B4GALNT3: variants seen among roughly 807,000 people sequenced by gnomAD.
B4GALNT3 encodes the protein beta-1,4-N-acetylgalactosaminyltransferase 3.
B4GALNT3 carries 86 observed loss-of-function variants against 120.2 expected under a neutral mutation model. The observed-to-expected ratio is 0.72, with a 90% CI of 0.60 to 0.86. B4GALNT3 has a LOEUF of 0.86. B4GALNT3 is among the 40% of genes least tolerant of loss of function. The probability of loss-of-function intolerance (pLI) is 0.00; values close to 1 mark genes in which losing one functional copy is unlikely to be tolerated. For missense variants in B4GALNT3, 1,167 were observed against 1,298.9 expected (o/e 0.90, Z 1.56); for synonymous variants, 518 against 510.4 (o/e 1.01, Z -0.20).
intron 14 of B4GALNT3, among the ~76,000 whole-genome samples, chr12:554,779 G>A (rs1257812148): frequency 2.4e-5 from 2 of 82,528 alleles, no homozygotes; most frequent in East Asian, 8.7e-4. Flanking sequence ...GACAGAGCAA[G>A]ACTCCGTCTC....
In B4GALNT3 at chr12:513,409, T is replaced by C. The variant is rs1476148804; in HGVS notation, c.170-21757T>C. The stretch of plus-strand genomic sequence containing the variant: ...GATGCTAAACGGTGTGGGTTATTCG[T>C]GCCTCTCATTTTTAGGCCATATAGG... On this transcript the variant is annotated intron_variant, in intron 1 of 19. Transcript: ENST00000266383. 2.0e-5 allele frequency among the ~76,000 whole-genome samples: 3 copies of C among 152,248 alleles called. No homozygotes were observed. In the East Asian group the frequency reaches 5.8e-4, roughly 29 times the overall value.
chr12:548,057 GC>G lies in B4GALNT3; in HGVS notation c.742del (p.Leu248CysfsTer88). ...SASHRYYFEV[L>X]HKQNEEGTDH... ...CCTCCCACAGGTACTACTTCGAGGT[GC>G]TGCACAAGCAGAATGAGGAGGGCAC... On this transcript the variant is annotated frameshift_variant, in exon 8 of 20. Coordinates refer to ENST00000266383, the MANE Select transcript of B4GALNT3 (RefSeq NM_173593.4). LOFTEE classifies it high-confidence loss of function. This position sits in a 1 kb window ranked among gnomAD's most constrained non-coding sequence, Gnocchi z 4.9. 6.2e-7 allele frequency: 1 copy of G among 1,613,898 alleles called. No individual in the cohort carries two copies. The highest frequency in any genetic ancestry group is 8.5e-7 in the Non-Finnish European group (1 of 1,180,012).
At chr12:513,382 T>C (rs1946618699) in intron 1 of B4GALNT3, among the ~76,000 whole-genome samples, 1 of 152,242 alleles carries the variant, frequency 6.6e-6, no homozygotes, top group South Asian at 2.1e-4. Context: ...ATTTCTTGAT[T>C]AGATGCTAAA....
chr12:533,359 G>T (rs1375409084), intron 1 of B4GALNT3, among the ~76,000 whole-genome samples: 2 of 152,162 alleles, frequency 1.3e-5, no homozygotes, highest in Non-Finnish European at 2.9e-5. Context: ...ACACACCCCT[G>T]CCCTGAACTC....
At chr12:488,359 T>G (rs540683352) in intron 1 of B4GALNT3, among the ~76,000 whole-genome samples, 1 of 152,168 alleles carries the variant, frequency 6.6e-6, no homozygotes, top group East Asian at 1.9e-4. Context: ...AAGAAGAATG[T>G]TGTAGAATGA....
chr12:514,387 C>CG (rs942830245), intron 1 of B4GALNT3, among the ~76,000 whole-genome samples: 16 of 151,820 alleles, frequency 1.1e-4, no homozygotes, highest in African/African-American at 3.9e-4. Flanking sequence ...TTAGTAGAGG[C>CG]GGGGTTTCAC....
intron 1 of B4GALNT3, among the ~76,000 whole-genome samples, chr12:512,265 A>C (rs1592032953): frequency 4.9e-5 from 2 of 40,574 alleles, no homozygotes; most frequent in Non-Finnish European, 8.0e-5. Context: ...ACCTTCTTCC[A>C]CCTTCTTCCA....
chr12:542,146 G>A (rs1000059183), intron 3 of B4GALNT3, among the ~76,000 whole-genome samples: 8 of 152,084 alleles, frequency 5.3e-5, no homozygotes, highest in African/African-American at 1.4e-4. Context: ...TGTGAGTAAC[G>A]GCTGCTTCCC....
chr12:464,623 C>T (rs1158194551), intron 1 of B4GALNT3, among the ~76,000 whole-genome samples: 1 of 124,420 alleles, frequency 8.0e-6, no homozygotes, highest in Non-Finnish European at 1.8e-5. Context: ...CAGAGCGAGA[C>T]TCTACTTAAA....
intron 1 of B4GALNT3, among the ~76,000 whole-genome samples, chr12:462,526 C>T (rs992154590): frequency 6.6e-6 from 1 of 151,640 alleles, no homozygotes; most frequent in Non-Finnish European, 1.5e-5. Context: ...AACTCTCTGA[C>T]TGGGTTTCCT....
intron 1 of B4GALNT3, among the ~76,000 whole-genome samples, chr12:503,120 A>G: frequency 6.6e-6 from 1 of 152,160 alleles, no homozygotes; most frequent in South Asian, 2.1e-4. Context: ...CAGAGGCAAT[A>G]ATAGGAAGTT....
At position 553,833 on chromosome 12, in the gene B4GALNT3, C is replaced by A. The variant is rs764173019; in HGVS notation, c.1910C>A (p.Thr637Asn). 4 of 1,614,206 alleles carry A rather than the reference C, an allele frequency of 2.5e-6. No homozygotes were observed. The Admixed American group carries it at 6.7e-5, about 27-fold the overall frequency. Residue 637 changes from threonine to asparagine, a missense_variant, in exon 14 of 20, where the codon ACC (threonine) becomes AAC (asparagine). By Grantham distance (65) the Thr-to-Asn change is moderately conservative (BLOSUM62 0). This residue lies in a region of B4GALNT3 where 983 missense variants were observed against 1,102.5 expected (regional missense o/e 0.89). Coordinates refer to ENST00000266383, the MANE Select transcript of B4GALNT3 (RefSeq NM_173593.4). The part of the protein sequence containing the change: ...VFDPVVNWDQ[T>N]FSARNLDFQA... ...GACCCGGTAGTAAACTGGGACCAGACCTTCAGTGCCCGGAATCTCGACTTC... is the reference window on the plus strand; with the variant it reads ...GACCCGGTAGTAAACTGGGACCAGAACTTCAGTGCCCGGAATCTCGACTTC...
intron 1 of B4GALNT3, among the ~76,000 whole-genome samples, chr12:507,752 G>A (rs371296390): frequency 9.2e-5 from 14 of 152,348 alleles, no homozygotes; most frequent in South Asian, 2.1e-4. Flanking sequence ...TGTAGGGCCC[G>A]TGACTGTGGC....
intron 1 of B4GALNT3, among the ~76,000 whole-genome samples, chr12:509,345 A>G (rs1946525426): frequency 6.6e-6 from 1 of 152,154 alleles, no homozygotes; most frequent in Non-Finnish European, 1.5e-5. Flanking sequence ...GCTTTAGGAA[A>G]CTCATGCGCG....
intron 1 of B4GALNT3, among the ~76,000 whole-genome samples, chr12:501,441 T>C (rs556853333): frequency 2.0e-5 from 3 of 151,994 alleles, no homozygotes; most frequent in Non-Finnish European, 4.4e-5. Context: ...ATTAGCCAGG[T>C]GTGGTGGCGC....
In B4GALNT3 at chr12:561,675, C is replaced by G. The variant is rs937901297; in HGVS notation, c.*224C>G. The G allele has an allele frequency of 3.8e-6, 2 of 528,894 alleles. No homozygotes were observed. The highest frequency in any genetic ancestry group is 2.4e-5 in the South Asian group (1 of 41,418). The allele number at this position is 528,894 out of a possible 1,614,324, so 32.8% of individuals were successfully genotyped here. On this transcript the variant is annotated 3_prime_UTR_variant, in exon 20 of 20. Transcript: ENST00000266383. ...AGAAGGGAGGACTTTGAGAGAGAGG[C>G]CAGGAGGGACCACTTGCTCAGTCGA...
At chr12:496,011 C>A (rs1209077536) in intron 1 of B4GALNT3, among the ~76,000 whole-genome samples, 1 of 152,142 alleles carries the variant, frequency 6.6e-6, no homozygotes, top group Non-Finnish European at 1.5e-5. Context: ...CCCTTGTATT[C>A]CAATACACTT....
chr12:554,587 G>C (rs191717412), intron 14 of B4GALNT3, among the ~76,000 whole-genome samples: 5 of 150,402 alleles, frequency 3.3e-5, no homozygotes, highest in Admixed American at 3.3e-4. Context: ...TCAGGAGATC[G>C]AGACCATCCT....
chr12:487,064 C>T lies in B4GALNT3; in HGVS notation c.169+26519C>T, dbSNP rs12366840. Among the ~76,000 whole-genome samples, 18 of 152,260 alleles carry T rather than the reference C, an allele frequency of 1.2e-4. No homozygotes were observed. In the South Asian group the frequency reaches 1.9e-3, roughly 16 times the overall value. The stretch of plus-strand genomic sequence containing the variant: ...AGAAATGAAGAATGTCTTCAATGGA[C>T]TCATTAGTAGATGGGACACAGCTAC... On this transcript the variant is annotated intron_variant, in intron 1 of 19. Transcript: ENST00000266383.
Sources: allele counts gnomAD v4.1 joint callset (sites outside exome capture counted in the v4.1 genomes callset), GRCh38; gene constraint gnomAD v4.1.1; regional missense constraint gnomAD v4.1.1; non-coding constraint Gnocchi (gnomAD v3.1); transcripts MANE v1.5; gene names NCBI Gene and HGNC (gene_info 2026-07-23, HGNC 2026-07-21).